Variants in VWC2 observed in about 807,000 individuals in gnomAD.
VWC2 encodes the protein von Willebrand factor C domain containing 2, also known as brorin.
VWC2 carries 14 observed loss-of-function variants against 29.8 expected under a neutral mutation model. The observed-to-expected ratio is 0.47, with a 90% CI of 0.31 to 0.74. The LOEUF is 0.74. VWC2 is among the 30% of genes least tolerant of loss of function. The pLI is 0.05. For missense variants in VWC2, 457 were observed against 459.8 expected (o/e 0.99, Z 0.05); for synonymous variants, 213 against 199.0 (o/e 1.07, Z -0.59).
intron 2 of VWC2, among the ~76,000 whole-genome samples, chr7:49,797,788 C>G (rs1053424659): frequency 6.6e-6 from 1 of 152,184 alleles, no homozygotes; most frequent in African/African-American, 2.4e-5. Context: ...AAATTTTTCC[C>G]TACTCCTGGC....
chr7:49,898,403 C>G (rs1792511497), intron 3 of VWC2, among the ~76,000 whole-genome samples: 1 of 151,308 alleles, frequency 6.6e-6, no homozygotes, highest in Non-Finnish European at 1.5e-5. Context: ...ATACAATTTT[C>G]TTTCTCGCTA....
At chr7:49,809,015 A>G (rs923201165) in intron 3 of VWC2, among the ~76,000 whole-genome samples, 1 of 152,014 alleles carries the variant, frequency 6.6e-6, no homozygotes, top group Non-Finnish European at 1.5e-5. Flanking sequence ...ATGCAGAAGG[A>G]ACTCAAAAAT....
intron 3 of VWC2, among the ~76,000 whole-genome samples, chr7:49,878,347 CT>C (rs1316312170): frequency 6.6e-6 from 1 of 152,138 alleles, no homozygotes; most frequent in Non-Finnish European, 1.5e-5. Flanking sequence ...TTCTGGGAAA[CT>C]TTTCTTTCTG....
chr7:49,775,118 CG>C (rs1788020874), intron 1 of VWC2, among the ~76,000 whole-genome samples: 1 of 152,196 alleles, frequency 6.6e-6, no homozygotes, highest in Admixed American at 6.5e-5. Flanking sequence ...AGAAACACGC[CG>C]GCCGGTGTCG....
intron 3 of VWC2, chr7:49,850,409 G>C (rs1173703883): frequency 1.3e-5 from 2 of 152,230 alleles, no homozygotes; most frequent in African/African-American, 4.8e-5. Context: ...CAGTGTAAGA[G>C]GCCTCCTGTC....
chr7:49,802,517 A>G (rs971787165), intron 2 of VWC2, among the ~76,000 whole-genome samples, 194 bp from the exon 3 acceptor site: 1 of 152,170 alleles, frequency 6.6e-6, no homozygotes, highest in African/African-American at 2.4e-5. Context: ...GGGTGCCTGT[A>G]ATCCCAGCTA....
intron 3 of VWC2, among the ~76,000 whole-genome samples, chr7:49,819,632 A>G (rs1789221545): frequency 6.6e-6 from 1 of 152,264 alleles, no homozygotes. Context: ...GGAGATACCC[A>G]GAGAATGAGT....
At chr7:49,819,758 G>A (rs1789224975) in intron 3 of VWC2, among the ~76,000 whole-genome samples, 1 of 152,166 alleles carries the variant, frequency 6.6e-6, no homozygotes, top group South Asian at 2.1e-4. Flanking sequence ...CCGTGGGGGA[G>A]GGCAAATAAC....
At chr7:49,839,760 T>TA in intron 3 of VWC2, among the ~76,000 whole-genome samples, 1 of 152,288 alleles carries the variant, frequency 6.6e-6, no homozygotes, top group South Asian at 2.1e-4. Context: ...CGTGCAGAAA[T>TA]AAAGCCACTT....
At chr7:49,801,609 A>G (rs554566968) in intron 2 of VWC2, among the ~76,000 whole-genome samples, 1 of 152,352 alleles carries the variant, frequency 6.6e-6, no homozygotes, top group Non-Finnish European at 1.5e-5. Context: ...ATGGCTGGAA[A>G]GTAGAGAGAG....
In VWC2 at chr7:49,775,408, C is replaced by T. The variant is rs1052079117; in HGVS notation, c.-28C>T. ...CTCGCCCCTCGGCCGCGCTCCCCGC[C>T]CGCCCGCCCGCCGGGACGTGGTAGG... On this transcript the variant is annotated 5_prime_UTR_variant, in exon 2 of 4. Transcript: ENST00000340652. 2 of 1,194,174 alleles carry T rather than the reference C, an allele frequency of 1.7e-6. No homozygotes were observed. Among genetic ancestry groups the T allele is most frequent in the African/African-American group, 3.2e-5 (2 of 61,886 alleles). 74.0% of individuals were successfully genotyped at this position (1,194,174 alleles called of 1,614,324 possible). A position where few individuals can be genotyped will look rare whatever the true frequency, so the allele number is the denominator to read the frequency against.
At chr7:49,904,610 A>C (rs1423614111) in intron 3 of VWC2, among the ~76,000 whole-genome samples, 1 of 152,216 alleles carries the variant, frequency 6.6e-6, no homozygotes, top group Non-Finnish European at 1.5e-5. Flanking sequence ...ATTTTAGTTA[A>C]ATTTTTATAA....
At chr7:49,890,212 A>G (rs1792070912) in intron 3 of VWC2, among the ~76,000 whole-genome samples, 1 of 152,232 alleles carries the variant, frequency 6.6e-6, no homozygotes, top group African/African-American at 2.4e-5. Flanking sequence ...AAGGTGATGT[A>G]CTATCCTAAT....
intron 3 of VWC2, among the ~76,000 whole-genome samples, chr7:49,893,546 A>G (rs900919895): frequency 6.6e-6 from 1 of 152,118 alleles, no homozygotes; most frequent in Non-Finnish European, 1.5e-5. Context: ...GAAAACACAC[A>G]TGTCCACATG....
chr7:49,895,691 T>C (rs1490931801), intron 3 of VWC2, among the ~76,000 whole-genome samples: 3 of 151,644 alleles, frequency 2.0e-5, no homozygotes, highest in Non-Finnish European at 4.4e-5. Context: ...TAATAGTCTC[T>C]CTGAGTCTCA....
In VWC2 at chr7:49,818,538, C is replaced by A. The variant is rs115697428; in HGVS notation, c.826+15698C>A. On this transcript the variant is annotated intron_variant, in intron 3 of 3. Coordinates refer to ENST00000340652, the MANE Select transcript of VWC2 (RefSeq NM_198570.5). Reference sequence around the variant, plus strand: ...GACCCTTGAGAGAAGGTGCTGATCGCCTTTCCCCAAAGTGGAACAGAGCAA... The same window carrying A: ...GACCCTTGAGAGAAGGTGCTGATCGACTTTCCCCAAAGTGGAACAGAGCAA... 4.2e-3 allele frequency among the ~76,000 whole-genome samples: 634 copies of A among 152,026 alleles called. 4 individuals carry two copies. Among genetic ancestry groups the A allele is most frequent in the African/African-American group, 0.015 (602 of 41,454 alleles).
chr7:49,904,632 T>C (rs1792981236), intron 3 of VWC2, among the ~76,000 whole-genome samples: 1 of 152,178 alleles, frequency 6.6e-6, no homozygotes, highest in Non-Finnish European at 1.5e-5. Context: ...TTACCACTTT[T>C]ACATGGTTTT....
chr7:49,778,084 G>A (rs146493530), intron 2 of VWC2, among the ~76,000 whole-genome samples: 1 of 151,284 alleles, frequency 6.6e-6, no homozygotes, highest in East Asian at 1.9e-4. Context: ...ACCTACCTGA[G>A]ATCACAGGTA....
intron 3 of VWC2, among the ~76,000 whole-genome samples, chr7:49,852,986 C>T (rs1156262957): frequency 6.6e-6 from 1 of 152,194 alleles, no homozygotes; most frequent in Non-Finnish European, 1.5e-5. Context: ...AGTTCTACTC[C>T]AGTCCAGAGC....
Sources: allele counts gnomAD v4.1 joint callset (sites outside exome capture counted in the v4.1 genomes callset), GRCh38; gene constraint gnomAD v4.1.1; transcripts MANE v1.5; gene names NCBI Gene and HGNC (gene_info 2026-07-23, HGNC 2026-07-21).